EPG5: variants seen among roughly 807,000 people sequenced by gnomAD.
The protein encoded by EPG5 is ectopic P granules protein 5 homolog.
Under a neutral mutation model 302.7 loss-of-function variants are expected in EPG5, and 159 were observed. That is an observed-to-expected ratio of 0.53 (90% CI 0.46 to 0.60). The LOEUF (loss-of-function observed/expected upper bound fraction) is 0.60. Among genes scored for constraint, EPG5 ranks in the 20% least tolerant of loss-of-function variants. The pLI is 0.00. For synonymous variants in EPG5, 1,158 were observed against 1,136.8 expected (o/e 1.02, Z -0.37); for missense variants, 2,896 against 3,092.4 (o/e 0.94, Z 1.51).
chr18:45,940,792 G>T (rs894501177), intron 9 of EPG5, among the ~76,000 whole-genome samples: 1 of 152,058 alleles, frequency 6.6e-6, no homozygotes, highest in South Asian at 2.1e-4. Flanking sequence ...CAGTTAGATT[G>T]AATGTGGGGT....
chr18:45,837,803 G>C, the EPG5 span: 1 of 1,526,384 alleles, frequency 6.6e-7, no homozygotes, highest in Admixed American at 1.9e-5. Context: ...CCTCGCCCTG[G>C]CTGACGACCG....
the EPG5 span, among the ~76,000 whole-genome samples, chr18:45,811,451 C>G: frequency 6.6e-6 from 1 of 151,946 alleles, no homozygotes. Context: ...CTGACAGAGA[C>G]ACACACACAC....
Position 45,849,631 on chromosome 18 carries a change from T to C in EPG5, c.*2836A>G, listed in dbSNP as rs1398787482. ...GAGGAACCAGGAGGCCGTCACTTGGTTGAAAGGAAGTTAGGCTGGTCTATG... is the reference window on the plus strand; with the variant it reads ...GAGGAACCAGGAGGCCGTCACTTGGCTGAAAGGAAGTTAGGCTGGTCTATG... On this transcript the variant is annotated 3_prime_UTR_variant, in exon 44 of 44. Transcript: ENST00000282041. 2 of 152,232 alleles carry C rather than the reference T, an allele frequency of 1.3e-5. No homozygotes were observed. The highest frequency in any genetic ancestry group is 2.9e-5 in the Non-Finnish European group (2 of 68,088). The allele number at this position is 152,232 out of a possible 1,614,324, so 9.4% of individuals were successfully genotyped here.
intron 20 of EPG5, among the ~76,000 whole-genome samples, chr18:45,914,979 A>G (rs1245458236): frequency 6.6e-6 from 1 of 151,956 alleles, no homozygotes; most frequent in Non-Finnish European, 1.5e-5. Context: ...TTAAAAAAAA[A>G]AAAAAAGAAA....
the EPG5 span, among the ~76,000 whole-genome samples, chr18:45,819,432 G>A: frequency 2.0e-5 from 3 of 152,150 alleles, no homozygotes; most frequent in Non-Finnish European, 2.9e-5. Flanking sequence ...GTACTGAGAG[G>A]AGGAAAAAAG....
chr18:45,943,372 A>C (rs2050713703), intron 8 of EPG5, 61 bp from the exon 9 acceptor site: 3 of 1,420,910 alleles, frequency 2.1e-6, no homozygotes, highest in Non-Finnish European at 3.0e-6. Flanking sequence ...ATGAACGGAT[A>C]CATCTGTATA....
rs778409227 is a variant in EPG5, at chr18:45,860,358, A to G, written c.6767-12T>C. On this transcript the variant is annotated splice_polypyrimidine_tract_variant and intron_variant, in intron 39 of 43. Transcript: ENST00000282041. ...CTGGCTGTCCATGTCTGAAAGGAAT[A>G]TAGACACACTCAAGAATGGCTGCCA... 6.2e-7 allele frequency: 1 copy of G among 1,614,050 alleles called. No individual in the cohort carries two copies. The highest frequency in any genetic ancestry group is 1.3e-5 in the African/African-American group (1 of 74,948).
intron 25 of EPG5, among the ~76,000 whole-genome samples, chr18:45,903,610 C>T (rs1436312931): frequency 1.3e-5 from 2 of 152,052 alleles, no homozygotes; most frequent in East Asian, 1.9e-4. Flanking sequence ...GTTAAATGGG[C>T]TTTTGTGGCC....
In EPG5 at chr18:45,900,129, G is replaced by A. The variant is rs546967652; in HGVS notation, c.4647-563C>T. ...ATAAGAAATTGATTCATGGCCTGGCGTGGTGGCTCACGCCTGTAATCCCAG... is the reference window on the plus strand; with the variant it reads ...ATAAGAAATTGATTCATGGCCTGGCATGGTGGCTCACGCCTGTAATCCCAG... On this transcript the variant is annotated intron_variant, in intron 26 of 43. Transcript: ENST00000282041. Among the ~76,000 whole-genome samples, 5 of 152,288 alleles carry A rather than the reference G, an allele frequency of 3.3e-5. No individual in the cohort carries two copies. In the East Asian group the frequency reaches 5.8e-4, roughly 18 times the overall value.
chr18:45,949,050 C>T (rs542728334), intron 5 of EPG5, among the ~76,000 whole-genome samples: 10 of 152,264 alleles, frequency 6.6e-5, no homozygotes, highest in African/African-American at 2.4e-4. Flanking sequence ...TAGTCAACTC[C>T]TAAGTATACA....
intron 10 of EPG5, among the ~76,000 whole-genome samples, chr18:45,937,235 TACAC>T (rs57593059): frequency 0.13 from 17,595 of 136,472 alleles, 1,190 homozygotes; most frequent in Middle Eastern, 0.23. Context: ...TACATATATA[TACAC>T]ACACACACAC....
rs766101598 is a variant in EPG5, at chr18:45,944,123, A to C, written c.1678-4T>G. On this transcript the variant is annotated splice_region_variant and splice_polypyrimidine_tract_variant and intron_variant, in intron 7 of 43. Transcript: ENST00000282041. ...AACTGGTCTCAGGGTCTTCATCCTA[A>C]GGGAAAAGACAAAAAATCATGTCAG... is the stretch of plus-strand genomic sequence containing the variant. The C allele has an allele frequency of 6.3e-7, 1 of 1,584,540 alleles. No homozygotes were observed. Among genetic ancestry groups the C allele is most frequent in the Non-Finnish European group, 8.7e-7 (1 of 1,153,368 alleles).
chr18:45,879,505 C>A (rs2049045169), intron 32 of EPG5, among the ~76,000 whole-genome samples: 1 of 152,076 alleles, frequency 6.6e-6, no homozygotes, highest in Non-Finnish European at 1.5e-5. Flanking sequence ...GTAGCTGGGA[C>A]TACAGGCGTG....
chr18:45,864,337 G>C (rs9675674), intron 39 of EPG5, among the ~76,000 whole-genome samples: 2,956 of 151,956 alleles, frequency 0.019, 91 homozygotes, highest in African/African-American at 0.068. Context: ...CTCTTCGGAT[G>C]GGTTTAATCT....
rs11333207 is a variant in EPG5 at position 45,865,765 on chromosome 18, CAA to C, written c.6622-8_6622-7del. 0.026 allele frequency: 34,813 copies of C among 1,346,102 alleles called. No homozygotes were observed. The highest frequency in any genetic ancestry group is 0.067 in the East Asian group (2,643 of 39,336). The allele number at this position is 1,346,102 out of a possible 1,614,324, so 83.4% of individuals were successfully genotyped here. On this transcript the variant is annotated splice_region_variant and splice_polypyrimidine_tract_variant and intron_variant, in intron 38 of 43. Transcript: ENST00000282041. ...TGGCATTTTGGAACTGCATCCTGAC[CAA>C]AAAAAAAAAAAAAAATCATTCAAAT...
At position 45,912,308 on chromosome 18, in the gene EPG5, C is replaced by T. The variant is rs148641800; in HGVS notation, c.3965G>A (p.Arg1322His). 4.2e-4 allele frequency: 668 copies of T among 1,600,860 alleles called. 1 individual carries two copies. In the African/African-American group the frequency reaches 7.8e-3, roughly 19 times the overall value. The stretch of plus-strand genomic sequence containing the variant: ...AGCATACCCATACTGTGGTCCCGGA[C>T]GGTGAAGATACAGAAGGAAGAACTT... ...WQKFFLLYLH[R>H]PGPQYGLPID... The change falls in exon 22 of 44, where the codon CGT becomes CAT. Residue 1322 changes from arginine to histidine, a missense_variant. Coordinates refer to ENST00000282041, the MANE Select transcript of EPG5 (RefSeq NM_020964.3).
chr18:45,941,386 A>G (rs1044020337), intron 9 of EPG5, among the ~76,000 whole-genome samples: 1 of 152,222 alleles, frequency 6.6e-6, no homozygotes, highest in Admixed American at 6.5e-5. Flanking sequence ...AGAGATCTTC[A>G]TCTGTAGGAG....
At chr18:45,808,669 T>C in the EPG5 span, among the ~76,000 whole-genome samples, 3 of 152,168 alleles carry the variant, frequency 2.0e-5, no homozygotes, top group African/African-American at 4.8e-5. Context: ...TTCAAACAAA[T>C]ACTGAGAGAA....
Position 45,967,320 on chromosome 18 carries a change from A to G in EPG5, c.-81T>C, listed in dbSNP as rs953531978. ...CAACCTGCCCGGTTCTGGCCTCCGG[A>G]CTGTCACATGATCGAATCTCCGCCA... On this transcript the variant is annotated 5_prime_UTR_variant, in exon 1 of 44. Coordinates refer to ENST00000282041, the MANE Select transcript of EPG5 (RefSeq NM_020964.3). 2 of 1,346,670 alleles carry G rather than the reference A, an allele frequency of 1.5e-6. No individual in the cohort carries two copies. Among genetic ancestry groups the G allele is most frequent in the Admixed American group, 2.9e-5 (1 of 34,792 alleles). The allele number at this position is 1,346,670 out of a possible 1,614,324, so 83.4% of individuals were successfully genotyped here. A position where few individuals can be genotyped will look rare whatever the true frequency, so the allele number is the denominator to read the frequency against.
Sources: allele counts gnomAD v4.1 joint callset (sites outside exome capture counted in the v4.1 genomes callset), GRCh38; gene constraint gnomAD v4.1.1; transcripts MANE v1.5; gene names NCBI Gene and HGNC (gene_info 2026-07-23, HGNC 2026-07-21).